Variants in COL27A1 observed in about 807,000 individuals in gnomAD.
COL27A1 encodes collagen type XXVII alpha 1 chain, also known as collagen alpha-1(XXVII) chain.
Under a neutral mutation model 251.3 loss-of-function variants are expected in COL27A1, and 106 were observed. The ratio of observed to expected loss-of-function variants is 0.42; its 90% CI spans 0.36 to 0.50. COL27A1 has a LOEUF of 0.50. Among genes scored for constraint, COL27A1 ranks in the 20% least tolerant of loss-of-function variants. The pLI, the probability that COL27A1 is intolerant of heterozygous loss-of-function variation, is 0.00. For synonymous variants in COL27A1, 1,000 were observed against 986.3 expected (o/e 1.01, Z -0.26); for missense variants, 2,325 against 2,522.8 (o/e 0.92, Z 1.68).
intron 11 of COL27A1, 121 bp downstream of exon 11, chr9:114,209,849 C>T (rs935833865): frequency 4.3e-5 from 38 of 889,384 alleles, no homozygotes; most frequent in Admixed American, 1.3e-4. Context: ...GCACTTGAGT[C>T]GAGTAGGAGT....
chr9:114,292,114 G>A lies in COL27A1; in HGVS notation c.4488G>A (p.Gly1496=), dbSNP rs2131632666. ...QGPPGFKGES[G]LPGQLGPPGK... ...TGTGTTTCTTTAAGGGTGAGAGTGG[G>A]TTACCCGGACAGCTGGGTCCCCCTG... Residue 1496 remains glycine (G), a synonymous_variant, in exon 49 of 61, where the codon GGG becomes GGA. Coordinates refer to ENST00000356083, the MANE Select transcript of COL27A1 (RefSeq NM_032888.4). 6.4e-7 allele frequency: 1 copy of A among 1,557,350 alleles called. No individual in the cohort carries two copies. The highest frequency in any genetic ancestry group is 8.7e-7 in the Non-Finnish European group (1 of 1,150,258).
At chr9:114,204,958 T>C in intron 7 of COL27A1, 144 bp from the exon 8 acceptor site, 2 of 662,890 alleles carry the variant, frequency 3.0e-6, no homozygotes, top group Non-Finnish European at 5.3e-6. Flanking sequence ...TGCATCCATC[T>C]GGGGAACCTT....
rs1829448382 is a variant in COL27A1, at chr9:114,311,547, G to GGAAAAAAAAAAAAAAAAAAA, written c.*870_*871insAAGAAAAAAAAAAAAAAAAA. On this transcript the variant is annotated 3_prime_UTR_variant, in exon 61 of 61. Coordinates refer to ENST00000356083, the MANE Select transcript of COL27A1 (RefSeq NM_032888.4). ...AAGGAGGAAAAAAGAAAAGAAAAAA[G>GGAAAAAAAAAAAAAAAAAAA]GAAAAAAAAAAAAAAAAAGCAAAAC... 1.1e-5 allele frequency: 1 copy of GGAAAAAAAAAAAAAAAAAAA among 90,372 alleles called. No homozygotes were observed. Among genetic ancestry groups the GGAAAAAAAAAAAAAAAAAAA allele is most frequent in the Admixed American group, 1.0e-4 (1 of 9,720 alleles). 5.6% of individuals were successfully genotyped at this position (90,372 alleles called of 1,614,324 possible).
intron 14 of COL27A1, among the ~76,000 whole-genome samples, chr9:114,228,612 C>G (rs1028794356): frequency 6.6e-6 from 1 of 152,246 alleles, no homozygotes; most frequent in Non-Finnish European, 1.5e-5. Flanking sequence ...GGAGCCCTAA[C>G]CTCTCAGAGC....
chr9:114,237,760 C>T (rs146182558), intron 19 of COL27A1, 45 bp downstream of exon 19: 48 of 1,545,172 alleles, frequency 3.1e-5, no homozygotes, highest in Admixed American at 6.7e-5. Flanking sequence ...TGCTGGGACT[C>T]GGTCTTGTCC....
intron 19 of COL27A1, among the ~76,000 whole-genome samples, chr9:114,239,118 G>A (rs768575761): frequency 1.2e-4 from 19 of 152,200 alleles, no homozygotes; most frequent in East Asian, 7.7e-4. Flanking sequence ...TGATAAGCGC[G>A]TCAGCACCCT....
intron 5 of COL27A1, among the ~76,000 whole-genome samples, chr9:114,192,157 A>G (rs888526972): frequency 6.6e-6 from 1 of 152,246 alleles, no homozygotes; most frequent in Non-Finnish European, 1.5e-5. Context: ...ACCTTGGGCA[A>G]GGGAGCAAGT....
intron 12 of COL27A1, among the ~76,000 whole-genome samples, chr9:114,211,972 G>C (rs1254146762): frequency 6.6e-6 from 1 of 152,240 alleles, no homozygotes; most frequent in Non-Finnish European, 1.5e-5. Flanking sequence ...GGAGTATGAA[G>C]AGGAGGCCTG....
At chr9:114,213,651 G>A (rs1407088479) in intron 12 of COL27A1, among the ~76,000 whole-genome samples, 3 of 152,188 alleles carry the variant, frequency 2.0e-5, no homozygotes, top group South Asian at 2.1e-4. Context: ...TAAGTCCCCT[G>A]CAAGTGAAAG....
chr9:114,246,092 T>A, intron 24 of COL27A1, 182 bp downstream of exon 24: 1 of 548,050 alleles, frequency 1.8e-6, no homozygotes, highest in Non-Finnish European at 3.2e-6. Flanking sequence ...CGGGGAAGTC[T>A]GTAAATGAGA....
intron 16 of COL27A1, 145 bp from the exon 17 acceptor site, chr9:114,235,454 C>T (rs985904028): frequency 5.4e-6 from 4 of 745,960 alleles, no homozygotes; most frequent in Non-Finnish European, 9.9e-6. Flanking sequence ...AGGGGCCCGT[C>T]CTTTCCTCTC....
At chr9:114,203,270 G>C (rs1829700694) in intron 7 of COL27A1, among the ~76,000 whole-genome samples, 5 of 152,174 alleles carry the variant, frequency 3.3e-5, no homozygotes, top group Admixed American at 3.3e-4. Flanking sequence ...TCGAATGAAT[G>C]AATGAAAAAT....
Position 114,306,119 on chromosome 9 carries a change from T to C in COL27A1, c.4939-401T>C, listed in dbSNP as rs1174069508. 3 of 171,812 alleles carry C rather than the reference T, an allele frequency of 1.7e-5. No individual in the cohort carries two copies. In the Admixed American group the frequency reaches 1.8e-4, roughly 10 times the overall value. 10.6% of individuals were successfully genotyped at this position (171,812 alleles called of 1,614,324 possible). A position where few individuals can be genotyped will look rare whatever the true frequency, so the allele number is the denominator to read the frequency against. On this transcript the variant is annotated intron_variant, in intron 57 of 60. Coordinates refer to ENST00000356083, the MANE Select transcript of COL27A1 (RefSeq NM_032888.4). ...CTCACAGAGACCCTGGCTCCCACCC[T>C]AGGGGAGCCCAGTGGGGGCTGTGTG... is the stretch of plus-strand genomic sequence containing the variant.
intron 12 of COL27A1, among the ~76,000 whole-genome samples, chr9:114,211,738 C>T (rs1023305128): frequency 1.3e-5 from 2 of 152,222 alleles, no homozygotes; most frequent in African/African-American, 4.8e-5. Context: ...GGCAGCCTCT[C>T]AGGGTCCCTA....
chr9:114,287,149 AC>A (rs1421123892), intron 41 of COL27A1, among the ~76,000 whole-genome samples: 3 of 152,016 alleles, frequency 2.0e-5, no homozygotes, highest in Non-Finnish European at 4.4e-5. Context: ...TTCAGCCTCC[AC>A]CCACCAGAAC....
At chr9:114,285,952 T>C (rs1055236239) in intron 41 of COL27A1, among the ~76,000 whole-genome samples, 1 of 152,212 alleles carries the variant, frequency 6.6e-6, no homozygotes, top group Non-Finnish European at 1.5e-5. Context: ...CCCTGAGCCT[T>C]GAGTGCCTCA....
At chr9:114,228,191 C>A (rs1212277146) in intron 14 of COL27A1, among the ~76,000 whole-genome samples, 1 of 152,174 alleles carries the variant, frequency 6.6e-6, no homozygotes, top group Non-Finnish European at 1.5e-5. Context: ...CTCCCCGAGG[C>A]CCCACAAAGG....
intron 59 of COL27A1, 58 bp from the exon 60 acceptor site, chr9:114,309,202 T>G: frequency 7.0e-7 from 1 of 1,426,926 alleles, no homozygotes; most frequent in Non-Finnish European, 9.9e-7. Flanking sequence ...CAGGGAACCC[T>G]CGGTGTGGGG....
intron 48 of COL27A1, 56 bp from the exon 49 acceptor site, chr9:114,292,047 C>A: frequency 6.8e-7 from 1 of 1,472,926 alleles, no homozygotes; most frequent in Non-Finnish European, 9.3e-7. Flanking sequence ...TCCGCCTCCT[C>A]CTGCCTTAGA....
Sources: gnomAD v4.1 joint callset for allele counts (sites outside exome capture counted in the v4.1 genomes callset) on GRCh38, gnomAD v4.1.1 for gene constraint, MANE v1.5 for transcripts, NCBI Gene and HGNC (gene_info 2026-07-23, HGNC 2026-07-21) for gene names.